KCNMA1: variants seen among roughly 807,000 people sequenced by gnomAD.
KCNMA1 encodes the protein potassium calcium-activated channel subfamily M alpha 1.
In KCNMA1, 29 loss-of-function variants were observed where a neutral mutation model predicts 140.0. The ratio of observed to expected loss-of-function variants is 0.21; its 90% confidence interval spans 0.15 to 0.28. KCNMA1 has a LOEUF of 0.28. Among genes scored for constraint, KCNMA1 ranks in the 10% least tolerant of loss-of-function variants. KCNMA1 has a pLI of 1.00. For synonymous variants in KCNMA1, 612 were observed against 611.9 expected, an observed-to-expected ratio of 1.00 and a Z score of 0.00; for missense variants, 880 against 1,602.2, an observed-to-expected ratio of 0.55 and a Z score of 7.70.
At chr10:77,139,279 C>G (rs1453279089) in intron 5 of KCNMA1, among the ~76,000 whole-genome samples, 2 of 152,182 alleles carry the variant, frequency 1.3e-5, no homozygotes, top group Non-Finnish European at 2.9e-5. Context: ...TCTCTAGTGG[C>G]TTTAATCCTG....
At chr10:77,333,867 C>T (rs1228897682) in intron 2 of KCNMA1, among the ~76,000 whole-genome samples, 1 of 152,178 alleles carries the variant, frequency 6.6e-6, no homozygotes, top group Non-Finnish European at 1.5e-5. Flanking sequence ...TGAGAGTAAG[C>T]TGTGCGCTCC....
intron 9 of KCNMA1, among the ~76,000 whole-genome samples, chr10:77,092,735 C>T (rs779031047): frequency 6.6e-6 from 1 of 152,226 alleles, no homozygotes; most frequent in Non-Finnish European, 1.5e-5. Flanking sequence ...CTGGTTATTA[C>T]TCAAAGCTAG....
chr10:77,501,056 C>A (rs1478175368), intron 1 of KCNMA1, among the ~76,000 whole-genome samples: 1 of 152,236 alleles, frequency 6.6e-6, no homozygotes, highest in Non-Finnish European at 1.5e-5. Context: ...AAGGCTAAGA[C>A]CCACCAAGGC....
chr10:77,022,522 C>T (rs1343585511), intron 16 of KCNMA1, among the ~76,000 whole-genome samples: 1 of 152,120 alleles, frequency 6.6e-6, no homozygotes, highest in African/African-American at 2.4e-5. Flanking sequence ...TTTTAAGTCT[C>T]GACTTATTCT....
chr10:77,178,827 T>G (rs1443602382), intron 5 of KCNMA1, among the ~76,000 whole-genome samples: 1 of 152,192 alleles, frequency 6.6e-6, no homozygotes, highest in African/African-American at 2.4e-5. Context: ...CCTTGGAGCA[T>G]GTTATTCAAA....
intron 16 of KCNMA1, among the ~76,000 whole-genome samples, chr10:77,024,933 G>T (rs1301571411): frequency 6.6e-6 from 1 of 151,938 alleles, no homozygotes; most frequent in African/African-American, 2.4e-5. Flanking sequence ...CTCGACACAG[G>T]GAGGAGGAGG....
At chr10:77,483,040 AC>A (rs2098419527) in intron 1 of KCNMA1, among the ~76,000 whole-genome samples, 1 of 108,296 alleles carries the variant, frequency 9.2e-6, no homozygotes, top group African/African-American at 3.4e-5. Context: ...ACACACACAC[AC>A]CCCTTGTTCT....
intron 15 of KCNMA1, among the ~76,000 whole-genome samples, chr10:77,028,444 C>T (rs1289702972): frequency 6.6e-6 from 1 of 152,050 alleles, no homozygotes; most frequent in Non-Finnish European, 1.5e-5. Context: ...TTGGTGCTCT[C>T]GACTGCAGAG....
At chr10:77,141,934 C>T (rs961861623) in intron 5 of KCNMA1, among the ~76,000 whole-genome samples, 2 of 152,196 alleles carry the variant, frequency 1.3e-5, no homozygotes, top group African/African-American at 2.4e-5. Flanking sequence ...ATGTGCCAAG[C>T]GTTTTGCTGG....
intron 9 of KCNMA1, among the ~76,000 whole-genome samples, chr10:77,093,354 A>G (rs1729127198): frequency 6.6e-6 from 1 of 152,218 alleles, no homozygotes; most frequent in African/African-American, 2.4e-5. Context: ...TGGAGAACCC[A>G]TATTGTTCCA....
rs141464587 is a variant in KCNMA1, at chr10:77,180,586, C to T, written c.808+2835G>A. 3.3e-3 allele frequency among the ~76,000 whole-genome samples: 502 copies of T among 152,212 alleles called. 4 individuals are homozygous for T. The highest frequency in any genetic ancestry group is 8.4e-3 in the Admixed American group (128 of 15,294). On this transcript the variant is annotated intron_variant, in intron 5 of 27. Transcript: ENST00000286628. ...TTCAATAGTACTTATGCTTCCTAAC[C>T]ATACCGTATCATTTACTTCCTTATT...
chr10:77,559,167 C>T (rs1277911760), intron 1 of KCNMA1, among the ~76,000 whole-genome samples: 3 of 152,196 alleles, frequency 2.0e-5, no homozygotes, highest in South Asian at 4.1e-4. Context: ...AACCTTAGGG[C>T]AATGGGGCAT....
chr10:77,435,100 A>ATTT (rs143895513), intron 1 of KCNMA1, among the ~76,000 whole-genome samples: 1 of 148,894 alleles, frequency 6.7e-6, no homozygotes, highest in African/African-American at 2.5e-5. Flanking sequence ...ACACCTGGCT[A>ATTT]TTTTTTTTTT....
chr10:77,637,122 C>T, intron 1 of KCNMA1, 143 bp downstream of exon 1: 1 of 1,269,310 alleles, frequency 7.9e-7, no homozygotes, highest in Non-Finnish European at 1.1e-6. Context: ...ACCGGGAGAG[C>T]CGAGGGAAGG....
intron 1 of KCNMA1, among the ~76,000 whole-genome samples, chr10:77,467,674 G>A (rs990888729): frequency 6.6e-6 from 1 of 152,252 alleles, no homozygotes; most frequent in Non-Finnish European, 1.5e-5. Context: ...AGACTTGAGA[G>A]AGGACAGTGG....
chr10:77,455,695 C>T (rs2097751996), intron 1 of KCNMA1, among the ~76,000 whole-genome samples: 1 of 152,188 alleles, frequency 6.6e-6, no homozygotes, highest in African/African-American at 2.4e-5. Context: ...TTCAAGGACA[C>T]TTCCATCAAA....
intron 1 of KCNMA1, among the ~76,000 whole-genome samples, chr10:77,572,755 CAAA>C (rs113888169): frequency 1.7e-5 from 2 of 120,200 alleles, no homozygotes; most frequent in Non-Finnish European, 1.7e-5. Flanking sequence ...GATCTTGTCT[CAAA>C]AAAAAAAAAA....
At chr10:77,012,099 A>T in intron 17 of KCNMA1, 56 bp from the exon 18 acceptor site, 4 of 1,609,866 alleles carry the variant, frequency 2.5e-6, no homozygotes, top group East Asian at 2.2e-5. Context: ...AAATGAAATG[A>T]GTACCACATT....
At chr10:77,620,278 A>G (rs1052789404) in intron 1 of KCNMA1, among the ~76,000 whole-genome samples, 2 of 151,910 alleles carry the variant, frequency 1.3e-5, no homozygotes, top group South Asian at 2.1e-4. Context: ...CCTGGCCGCC[A>G]GGCCTGGTAA....
Sources: gnomAD v4.1 joint callset for allele counts (sites outside exome capture counted in the v4.1 genomes callset) on GRCh38, gnomAD v4.1.1 for gene constraint, MANE v1.5 for transcripts, NCBI Gene and HGNC (gene_info 2026-07-23, HGNC 2026-07-21) for gene names.